Variants in IER3 observed in about 807,000 individuals in gnomAD.
IER3 encodes the protein immediate early response 3.
IER3 carries 5 observed loss-of-function variants against 5.4 expected under a neutral mutation model. That is an observed-to-expected ratio of 0.92 (90% CI 0.48 to 1.94). The LOEUF (loss-of-function observed/expected upper bound fraction) is 1.94, where lower values mean the gene tolerates loss of function less well. IER3 is among the 30% of genes most tolerant of loss of function. The pLI is 0.01. For missense variants in IER3, 158 were observed against 218.2 expected (o/e 0.72, Z 1.74); for synonymous variants, 81 against 97.8 (o/e 0.83, Z 1.01).
At position 30,743,913 on chromosome 6, in the gene IER3, T is replaced by C. The variant is rs775603206; in HGVS notation, c.*23A>G. On this transcript the variant is annotated 3_prime_UTR_variant, in exon 2 of 2. Coordinates refer to ENST00000259874, the MANE Select transcript of IER3 (RefSeq NM_003897.4). This position sits in a 1 kb window ranked among gnomAD's most constrained non-coding sequence, Gnocchi z 6.5. Reference sequence around the variant, plus strand: ...TTCTTTGTGGTTTTTCGGATTCTTTTTGGGGAGTGCGGGGAGTCACAGTTA... The same window carrying C: ...TTCTTTGTGGTTTTTCGGATTCTTTCTGGGGAGTGCGGGGAGTCACAGTTA... 6 of 1,596,282 alleles carry C rather than the reference T, an allele frequency of 3.8e-6. No homozygotes were observed. Among genetic ancestry groups the C allele is most frequent in the South Asian group, 1.1e-5 (1 of 88,574 alleles).
Position 30,744,370 on chromosome 6 carries a change from C to G in IER3, c.149G>C (p.Gly50Ala). The change falls in exon 1 of 2, where the codon GGG becomes GCG. Residue 50 changes from glycine (G) to alanine (A), a missense_variant. Gly to Ala is a moderately conservative substitution (Grantham distance 60). Transcript: ENST00000259874. This position sits in a 1 kb window ranked among gnomAD's most constrained non-coding sequence, Gnocchi z 6.0. ...GTGCCCGCGAGAGGCGCTGGGGCGC[C>G]CGGCAGGGGCCGCTGCGGGCTCCGG... is the stretch of plus-strand genomic sequence containing the variant. ...PLPEPAAAPA[G>A]RPSASRGHRK... 1.9e-6 allele frequency: 3 copies of G among 1,604,400 alleles called. No homozygotes were observed. The South Asian group carries it at 3.3e-5, about 18-fold the overall frequency.
Position 30,743,883 on chromosome 6 carries a change from G to C in IER3, c.*53C>G. 6.3e-7 allele frequency: 1 copy of C among 1,585,832 alleles called. No homozygotes were observed. Among genetic ancestry groups the C allele is most frequent in the Non-Finnish European group, 8.5e-7 (1 of 1,172,666 alleles). The stretch of plus-strand genomic sequence containing the variant: ...ACGCTCTCGCGCACCAGGTACGCCT[G>C]GTGTTTCTTTGTGGTTTTTCGGATT... On this transcript the variant is annotated 3_prime_UTR_variant, in exon 2 of 2. Coordinates refer to ENST00000259874, the MANE Select transcript of IER3 (RefSeq NM_003897.4). The surrounding 1 kb of genome is among the most constrained non-coding windows in gnomAD (Gnocchi z 6.5).
chr6:30,744,276 C>G lies in IER3; in HGVS notation c.210+33G>C, dbSNP rs779136574. On this transcript the variant is annotated intron_variant, in intron 1 of 1. Transcript: ENST00000259874. The surrounding 1 kb of genome is among the most constrained non-coding windows in gnomAD (Gnocchi z 6.0). ...GTTCCCCAGTGACTCCAGGGCAGCG[C>G]ACCCCGCGAATGCCCACTTCGGCGA... is the stretch of plus-strand genomic sequence containing the variant. The G allele has an allele frequency of 6.8e-6, 11 of 1,612,412 alleles. No individual in the cohort carries two copies. The South Asian group carries it at 1.2e-4, about 18-fold the overall frequency.
rs138441333 is a variant in IER3 at position 30,744,078 on chromosome 6, G to A, written c.329C>T (p.Pro110Leu). The change falls in exon 2 of 2, where the codon CCT becomes CTT. Residue 110 changes from proline (P) to leucine (L), a missense_variant. Coordinates refer to ENST00000259874, the MANE Select transcript of IER3 (RefSeq NM_003897.4). This position sits in a 1 kb window ranked among gnomAD's most constrained non-coding sequence, Gnocchi z 6.0. ...TGCGGCGTTAGGGGCGTCCTCTGGA[G>A]GCAGGGGCGCCGGCACACCCTCTTC... ...MAEEGVPAPL[P>L]PEDAPNAASL... The A allele has an allele frequency of 5.4e-5, 87 of 1,614,120 alleles. No individual in the cohort carries two copies. The African/African-American group carries it at 1.1e-3, about 21-fold the overall frequency.
chr6:30,743,593 C>A lies in IER3; in HGVS notation c.*343G>T. 2.7e-6 allele frequency: 1 copy of A among 370,858 alleles called. No homozygotes were observed. Among genetic ancestry groups the A allele is most frequent in the Non-Finnish European group, 4.8e-6 (1 of 208,652 alleles). The allele number at this position is 370,858 out of a possible 1,614,324, so 23.0% of individuals were successfully genotyped here. On this transcript the variant is annotated 3_prime_UTR_variant, in exon 2 of 2. Coordinates refer to ENST00000259874, the MANE Select transcript of IER3 (RefSeq NM_003897.4). This position sits in a 1 kb window ranked among gnomAD's most constrained non-coding sequence, Gnocchi z 6.5. Reference sequence around the variant, plus strand: ...CATTTACAGCAGGGGGAACATCTCACACCCTTGCATAAGTTAAAATAAATA... The same window carrying A: ...CATTTACAGCAGGGGGAACATCTCAAACCCTTGCATAAGTTAAAATAAATA...
At position 30,744,094 on chromosome 6, in the gene IER3, C is replaced by T; in HGVS notation, c.313G>A (p.Val105Met). The T allele has an allele frequency of 6.2e-7, 1 of 1,614,068 alleles. No homozygotes were observed. The highest frequency in any genetic ancestry group is 8.5e-7 in the Non-Finnish European group (1 of 1,179,958). Residue 105 changes from valine (V) to methionine (M), a missense_variant, in exon 2 of 2, where the codon GTG becomes ATG. By Grantham distance (21) the Val-to-Met change is conservative (BLOSUM62 1). Coordinates refer to ENST00000259874, the MANE Select transcript of IER3 (RefSeq NM_003897.4). The surrounding 1 kb of genome is among the most constrained non-coding windows in gnomAD (Gnocchi z 6.0). ...TCCTCTGGAGGCAGGGGCGCCGGCA[C>T]ACCCTCTTCAGCCATCAGGATCTGG... ...FCQILMAEEG[V>M]PAPLPPEDAP...
rs765894675 is a variant in IER3 at position 30,744,532 on chromosome 6, G to A, written c.-14C>T. 66 of 1,473,090 alleles carry A rather than the reference G, an allele frequency of 4.5e-5. No individual in the cohort carries two copies. The highest frequency in any genetic ancestry group is 1.9e-5 in the Non-Finnish European group (21 of 1,114,934). 91.3% of individuals were successfully genotyped at this position (1,473,090 alleles called of 1,614,324 possible). The stretch of plus-strand genomic sequence containing the variant: ...AGAGTGACACATGGTGAGCCGAGCG[G>A]AGTGTAAGGCCAAGTGAGGGTCGGC... On this transcript the variant is annotated 5_prime_UTR_variant, in exon 1 of 2. Coordinates refer to ENST00000259874, the MANE Select transcript of IER3 (RefSeq NM_003897.4). The surrounding 1 kb of genome is among the most constrained non-coding windows in gnomAD (Gnocchi z 6.0).
chr6:30,743,886 GTTTC>G lies in IER3; in HGVS notation c.*46_*49del. 1 of 1,585,346 alleles carries G rather than the reference GTTTC, an allele frequency of 6.3e-7. No homozygotes were observed. Among genetic ancestry groups the G allele is most frequent in the Non-Finnish European group, 8.5e-7 (1 of 1,173,044 alleles). On this transcript the variant is annotated 3_prime_UTR_variant, in exon 2 of 2. Coordinates refer to ENST00000259874, the MANE Select transcript of IER3 (RefSeq NM_003897.4). The surrounding 1 kb of genome is among the most constrained non-coding windows in gnomAD (Gnocchi z 6.5). ...CTCTCGCGCACCAGGTACGCCTGGT[GTTTC>G]TTTGTGGTTTTTCGGATTCTTTTTG...
chr6:30,743,879 G>T lies in IER3; in HGVS notation c.*57C>A, dbSNP rs935679286. On this transcript the variant is annotated 3_prime_UTR_variant, in exon 2 of 2. Coordinates refer to ENST00000259874, the MANE Select transcript of IER3 (RefSeq NM_003897.4). This position sits in a 1 kb window ranked among gnomAD's most constrained non-coding sequence, Gnocchi z 6.5. ...GGATACGCTCTCGCGCACCAGGTAC[G>T]CCTGGTGTTTCTTTGTGGTTTTTCG... is the stretch of plus-strand genomic sequence containing the variant. 1 of 1,580,084 alleles carries T rather than the reference G, an allele frequency of 6.3e-7. No individual in the cohort carries two copies. Among genetic ancestry groups the T allele is most frequent in the South Asian group, 1.2e-5 (1 of 86,314 alleles).
chr6:30,744,104 A>G lies in IER3; in HGVS notation c.303T>C (p.Ala101=), dbSNP rs150315262. Residue 101 remains alanine, a synonymous_variant, in exon 2 of 2, where the codon GCT becomes GCC. Transcript: ENST00000259874. The surrounding 1 kb of genome is among the most constrained non-coding windows in gnomAD (Gnocchi z 6.0). ...LTIVFCQILM[A]EEGVPAPLPP... The stretch of plus-strand genomic sequence containing the variant: ...GCAGGGGCGCCGGCACACCCTCTTC[A>G]GCCATCAGGATCTGGCAGAAGACGA... 3 of 1,613,992 alleles carry G rather than the reference A, an allele frequency of 1.9e-6. No homozygotes were observed. The African/African-American group carries it at 4.0e-5, about 22-fold the overall frequency.
rs781490434 is a variant in IER3, at chr6:30,744,024, A to G, written c.383T>C (p.Val128Ala). The G allele has an allele frequency of 4.3e-6, 7 of 1,613,866 alleles. No individual in the cohort carries two copies. The highest frequency in any genetic ancestry group is 1.7e-5 in the Admixed American group (1 of 59,912). The change falls in exon 2 of 2, where the codon GTC (valine) becomes GCC (alanine). Residue 128 changes from valine to alanine, a missense_variant. Coordinates refer to ENST00000259874, the MANE Select transcript of IER3 (RefSeq NM_003897.4). The surrounding 1 kb of genome is among the most constrained non-coding windows in gnomAD (Gnocchi z 6.0). ...CGAAGTCAGATTAAAGGGCTCGAGGACGGCGGACACAGGGGTGGGCGCCAG... is the reference window on the plus strand; with the variant it reads ...CGAAGTCAGATTAAAGGGCTCGAGGGCGGCGGACACAGGGGTGGGCGCCAG... Reference protein sequence around the residue: ...ASLAPTPVSAVLEPFNLTSEP... With the variant: ...ASLAPTPVSAALEPFNLTSEP...
chr6:30,744,539 A>G lies in IER3; in HGVS notation c.-21T>C. 6 of 1,446,714 alleles carry G rather than the reference A, an allele frequency of 4.1e-6. No individual in the cohort carries two copies. The highest frequency in any genetic ancestry group is 5.5e-6 in the Non-Finnish European group (6 of 1,100,612). 89.6% of individuals were successfully genotyped at this position (1,446,714 alleles called of 1,614,324 possible). A position where few individuals can be genotyped will look rare whatever the true frequency, so the allele number is the denominator to read the frequency against. ...CACATGGTGAGCCGAGCGGAGTGTA[A>G]GGCCAAGTGAGGGTCGGCTGCCGGC... is the stretch of plus-strand genomic sequence containing the variant. On this transcript the variant is annotated 5_prime_UTR_variant, in exon 1 of 2. Coordinates refer to ENST00000259874, the MANE Select transcript of IER3 (RefSeq NM_003897.4). The surrounding 1 kb of genome is among the most constrained non-coding windows in gnomAD (Gnocchi z 6.0).
Position 30,743,666 on chromosome 6 carries a change from A to G in IER3, c.*270T>C, listed in dbSNP as rs1778187829. On this transcript the variant is annotated 3_prime_UTR_variant, in exon 2 of 2. Transcript: ENST00000259874. The surrounding 1 kb of genome is among the most constrained non-coding windows in gnomAD (Gnocchi z 6.5). ...TAGGAGGACGTACATAAATACATATAAATATTAATTAGGAGCAATAAGAAA... is the reference window on the plus strand; with the variant it reads ...TAGGAGGACGTACATAAATACATATGAATATTAATTAGGAGCAATAAGAAA... 8 of 542,386 alleles carry G rather than the reference A, an allele frequency of 1.5e-5. No individual in the cohort carries two copies. The highest frequency in any genetic ancestry group is 2.6e-5 in the South Asian group (1 of 38,050). The allele number at this position is 542,386 out of a possible 1,614,324, so 33.6% of individuals were successfully genotyped here. A position where few individuals can be genotyped will look rare whatever the true frequency, so the allele number is the denominator to read the frequency against.
chr6:30,743,948 C>T lies in IER3; in HGVS notation c.459G>A (p.Pro153=), dbSNP rs1778210135. The change falls in exon 2 of 2, where the codon CCG becomes CCA. Residue 153 remains proline (P), a synonymous_variant. Transcript: ENST00000259874. The surrounding 1 kb of genome is among the most constrained non-coding windows in gnomAD (Gnocchi z 6.5). The stretch of plus-strand genomic sequence containing the variant: ...CGGGGAGTCACAGTTAGAAGGCGGC[C>T]GGGTGTTGCTGGAGGAAAGTGCTGA... The part of the protein sequence containing the change: ...LDLSTFLQQH[P]AAF 5 of 1,611,448 alleles carry T rather than the reference C, an allele frequency of 3.1e-6. No homozygotes were observed. The highest frequency in any genetic ancestry group is 4.2e-6 in the Non-Finnish European group (5 of 1,179,426).
Position 30,744,545 on chromosome 6 carries a change from A to AGTGAG in IER3, c.-28_-27insCTCAC. On this transcript the variant is annotated 5_prime_UTR_variant, in exon 1 of 2. Coordinates refer to ENST00000259874, the MANE Select transcript of IER3 (RefSeq NM_003897.4). The surrounding 1 kb of genome is among the most constrained non-coding windows in gnomAD (Gnocchi z 6.0). ...GTGAGCCGAGCGGAGTGTAAGGCCA[A>AGTGAG]GTGAGGGTCGGCTGCCGGCAGAGGT... 6.9e-7 allele frequency: 1 copy of AGTGAG among 1,441,578 alleles called. No homozygotes were observed. Among genetic ancestry groups the AGTGAG allele is most frequent in the East Asian group, 2.6e-5 (1 of 38,082 alleles). 89.3% of individuals were successfully genotyped at this position (1,441,578 alleles called of 1,614,324 possible). A position where few individuals can be genotyped will look rare whatever the true frequency, so the allele number is the denominator to read the frequency against.
Position 30,744,547 on chromosome 6 carries a change from T to A in IER3, c.-29A>T, listed in dbSNP as rs751539796. 1.3e-5 allele frequency: 18 copies of A among 1,438,942 alleles called. No homozygotes were observed. Among genetic ancestry groups the A allele is most frequent in the Non-Finnish European group, 1.6e-5 (18 of 1,096,006 alleles). The allele number at this position is 1,438,942 out of a possible 1,614,324, so 89.1% of individuals were successfully genotyped here. A position where few individuals can be genotyped will look rare whatever the true frequency, so the allele number is the denominator to read the frequency against. Reference sequence around the variant, plus strand: ...GAGCCGAGCGGAGTGTAAGGCCAAGTGAGGGTCGGCTGCCGGCAGAGGTAA... The same window carrying A: ...GAGCCGAGCGGAGTGTAAGGCCAAGAGAGGGTCGGCTGCCGGCAGAGGTAA... On this transcript the variant is annotated 5_prime_UTR_variant, in exon 1 of 2. Coordinates refer to ENST00000259874, the MANE Select transcript of IER3 (RefSeq NM_003897.4). The surrounding 1 kb of genome is among the most constrained non-coding windows in gnomAD (Gnocchi z 6.0).
Sources: gnomAD v4.1 joint callset for allele counts on GRCh38, gnomAD v4.1.1 for gene constraint, Gnocchi (gnomAD v3.1) non-coding constraint, MANE v1.5 for transcripts, NCBI Gene and HGNC (gene_info 2026-07-23, HGNC 2026-07-21) for gene names.